Variants in RERE observed in about 807,000 individuals in gnomAD.
RERE encodes the protein arginine-glutamic acid dipeptide repeats.
RERE carries 40 observed loss-of-function variants against 146.1 expected under a neutral mutation model. The ratio of observed to expected loss-of-function variants is 0.27; its 90% confidence interval spans 0.21 to 0.36. RERE has a LOEUF of 0.36. Ranked by LOEUF, RERE falls within the 10% of genes least tolerant of loss-of-function variation. The probability of loss-of-function intolerance (pLI) is 1.00; values close to 1 mark genes in which losing one functional copy is unlikely to be tolerated. For synonymous variants in RERE, 1,003 were observed against 866.0 expected (o/e 1.16, Z -2.78); for missense variants, 1,933 against 2,138.7 (o/e 0.90, Z 1.90).
intron 12 of RERE, among the ~76,000 whole-genome samples, chr1:8,370,632 A>C (rs1004068711): frequency 6.6e-6 from 1 of 152,222 alleles, no homozygotes; most frequent in Non-Finnish European, 1.5e-5. Flanking sequence ...CGGAAATGGC[A>C]TATTGGTGAC....
At chr1:8,641,594 A>T (rs1647178027) in intron 2 of RERE, among the ~76,000 whole-genome samples, 2 of 152,142 alleles carry the variant, frequency 1.3e-5, no homozygotes, top group South Asian at 2.1e-4. Flanking sequence ...CAAACCAAAG[A>T]ACTCCTTGCC....
chr1:8,688,699 C>T (rs1570610701), intron 1 of RERE, among the ~76,000 whole-genome samples: 2 of 152,312 alleles, frequency 1.3e-5, no homozygotes, highest in African/African-American at 4.8e-5. Flanking sequence ...CTGGGCAAAA[C>T]ATCTATCTGT....
intron 3 of RERE, among the ~76,000 whole-genome samples, chr1:8,615,856 G>T (rs2124198279): frequency 6.6e-6 from 1 of 152,132 alleles, no homozygotes; most frequent in South Asian, 2.1e-4. Context: ...GTTTTATCAT[G>T]ATCATTTTCT....
intron 2 of RERE, among the ~76,000 whole-genome samples, chr1:8,625,250 C>T (rs138008499): frequency 0.015 from 2,310 of 152,218 alleles, 59 homozygotes; most frequent in African/African-American, 0.053. Flanking sequence ...TGAGCCACCA[C>T]GCTTGGCCAA....
At chr1:8,509,504 T>C (rs560396392) in intron 7 of RERE, among the ~76,000 whole-genome samples, 1 of 152,148 alleles carries the variant, frequency 6.6e-6, no homozygotes, top group African/African-American at 2.4e-5. Context: ...GTCCTAGGTG[T>C]TGGGGATAAA....
In RERE at chr1:8,795,998, A is replaced by C. The variant is rs930894313; in HGVS notation, c.-145+21162T>G. 4.1e-4 allele frequency among the ~76,000 whole-genome samples: 56 copies of C among 136,250 alleles called. 3 individuals carry two copies. Among genetic ancestry groups the C allele is most frequent in the Middle Eastern group, 8.1e-3 (2 of 248 alleles). 89.4% of individuals were successfully genotyped at this position (136,250 alleles called of 152,430 possible). A position where few individuals can be genotyped will look rare whatever the true frequency, so the allele number is the denominator to read the frequency against. ...ACTCCGTCTCAAAAAAAAAAAAAAA[A>C]CAAAACAAAACAGGAATTATGTAGC... is the stretch of plus-strand genomic sequence containing the variant. On this transcript the variant is annotated intron_variant, in intron 1 of 22. Coordinates refer to ENST00000400908, the MANE Select transcript of RERE (RefSeq NM_001042681.2).
At chr1:8,783,555 T>C (rs894592449) in intron 1 of RERE, among the ~76,000 whole-genome samples, 3 of 152,002 alleles carry the variant, frequency 2.0e-5, no homozygotes, top group African/African-American at 7.3e-5. Flanking sequence ...ATGCAAATAA[T>C]GCACTATGGG....
intron 1 of RERE, among the ~76,000 whole-genome samples, chr1:8,701,599 CG>C (rs1281843051): frequency 1.3e-5 from 2 of 151,936 alleles, no homozygotes; most frequent in African/African-American, 4.8e-5. Context: ...TCATCAGCCA[CG>C]GGGAGGGAAA....
At chr1:8,375,925 TA>T (rs1276843071) in intron 12 of RERE, among the ~76,000 whole-genome samples, 1 of 152,264 alleles carries the variant, frequency 6.6e-6, no homozygotes, top group African/African-American at 2.4e-5. Flanking sequence ...AATATATATT[TA>T]TCTTTTACAT....
At chr1:8,386,232 A>C (rs1642677916) in intron 12 of RERE, among the ~76,000 whole-genome samples, 1 of 151,006 alleles carries the variant, frequency 6.6e-6, no homozygotes, top group Admixed American at 6.6e-5. Flanking sequence ...TTTTCTTTAG[A>C]ATCAGAGAGA....
chr1:8,670,712 C>T (rs1638692453), intron 1 of RERE, among the ~76,000 whole-genome samples: 1 of 152,116 alleles, frequency 6.6e-6, no homozygotes, highest in African/African-American at 2.4e-5. Flanking sequence ...GCATGCCTGG[C>T]ATGTCCAGGC....
chr1:8,469,510 T>C (rs1218388766), intron 10 of RERE, among the ~76,000 whole-genome samples: 3 of 151,956 alleles, frequency 2.0e-5, no homozygotes, highest in African/African-American at 4.8e-5. Context: ...TCCCAGCTAT[T>C]CGGGAGGCTG....
intron 10 of RERE, among the ~76,000 whole-genome samples, chr1:8,481,126 TTC>T (rs1644828517): frequency 6.6e-6 from 1 of 152,082 alleles, no homozygotes; most frequent in Admixed American, 6.5e-5. Flanking sequence ...AGACATTTCT[TTC>T]TGTTTCTGAG....
intron 12 of RERE, among the ~76,000 whole-genome samples, chr1:8,375,793 C>T (rs35728756): frequency 5.3e-5 from 8 of 150,238 alleles, no homozygotes; most frequent in Non-Finnish European, 7.4e-5. Flanking sequence ...ACTGAAAATG[C>T]TTCCTCACTC....
At chr1:8,804,108 G>T (rs57695120) in intron 1 of RERE, among the ~76,000 whole-genome samples, 5 of 152,002 alleles carry the variant, frequency 3.3e-5, no homozygotes, top group Non-Finnish European at 5.9e-5. Flanking sequence ...TCTCAACAAG[G>T]TCTTTAATCA....
At chr1:8,385,190 T>A (rs1406197674) in intron 12 of RERE, among the ~76,000 whole-genome samples, 1 of 152,218 alleles carries the variant, frequency 6.6e-6, no homozygotes, top group Non-Finnish European at 1.5e-5. Flanking sequence ...TTTAACATGT[T>A]CACTGTCTAA....
chr1:8,671,809 T>G (rs563984795), intron 1 of RERE, among the ~76,000 whole-genome samples: 2 of 152,338 alleles, frequency 1.3e-5, no homozygotes, highest in South Asian at 4.1e-4. Flanking sequence ...TACCACAATT[T>G]GAATCCGAAA....
intron 12 of RERE, among the ~76,000 whole-genome samples, chr1:8,412,215 A>T (rs1258359261): frequency 6.6e-6 from 1 of 152,220 alleles, no homozygotes; most frequent in Admixed American, 6.5e-5. Flanking sequence ...ACAAAGCGAC[A>T]ATGGCAGCAG....
intron 2 of RERE, among the ~76,000 whole-genome samples, chr1:8,633,271 T>A (rs1557446422): frequency 6.6e-6 from 1 of 152,140 alleles, no homozygotes; most frequent in South Asian, 2.1e-4. Context: ...AAAATTTTTT[T>A]AAATAGCTGG....
Sources: gnomAD v4.1 joint callset for allele counts (sites outside exome capture counted in the v4.1 genomes callset) on GRCh38, gnomAD v4.1.1 for gene constraint, MANE v1.5 for transcripts, NCBI Gene and HGNC (gene_info 2026-07-23, HGNC 2026-07-21) for gene names.